The following ACOT7 variants were observed in gnomAD, a reference collection of about 807,000 sequenced individuals.
ACOT7 encodes acyl-CoA thioesterase 7.
A neutral mutation model predicts 40.2 loss-of-function variants in ACOT7; 12 were observed. That is an observed-to-expected ratio of 0.30 (90% CI 0.19 to 0.48). The LOEUF (loss-of-function observed/expected upper bound fraction) is 0.48, where lower values mean the gene tolerates loss of function less well. Among genes scored for constraint, ACOT7 ranks in the 20% least tolerant of loss-of-function variants. The probability of loss-of-function intolerance (pLI) is 0.99; values close to 1 mark genes in which losing one functional copy is unlikely to be tolerated. For missense variants in ACOT7, 395 were observed against 530.8 expected (o/e 0.74, Z 2.51); for synonymous variants, 228 against 219.5 (o/e 1.04, Z -0.34).
chr1:6,363,909 T>C (rs558509324), intron 1 of ACOT7, among the ~76,000 whole-genome samples: 1 of 152,278 alleles, frequency 6.6e-6, no homozygotes, highest in South Asian at 2.1e-4. Context: ...CCCTGTGGGT[T>C]TTCTGTGGTC....
rs989978180 is a variant in ACOT7, at chr1:6,339,516, G to A, written c.335C>T (p.Ala112Val). Residue 112 changes from alanine to valine, a missense_variant, in exon 3 of 9, where the codon GCG becomes GTG. Around this residue, in one of 2 missense-constraint regions of ACOT7, gnomAD observed 309 missense variants for 470.3 expected, o/e 0.66. Transcript: ENST00000361521. ...FLSPMCIGEVAHVSAEITYTS... is the reference protein window; with the variant it reads ...FLSPMCIGEVVHVSAEITYTS... ...GTAGGTGATCTCCGCGCTGACATGC[G>A]CCACCTCACCGATGCACATGGGAGA... 9 of 1,613,538 alleles carry A rather than the reference G, an allele frequency of 5.6e-6. No individual in the cohort carries two copies. Among genetic ancestry groups the A allele is most frequent in the East Asian group, 2.2e-5 (1 of 44,876 alleles).
intron 4 of ACOT7, among the ~76,000 whole-genome samples, chr1:6,329,492 T>A (rs1008782252): frequency 6.7e-6 from 1 of 149,504 alleles, no homozygotes; most frequent in African/African-American, 2.5e-5. Flanking sequence ...TTAAAGGGAT[T>A]TTTTTTTTTA....
intron 6 of ACOT7, among the ~76,000 whole-genome samples, chr1:6,316,616 C>T (rs1057220336): frequency 2.0e-5 from 3 of 152,216 alleles, no homozygotes; most frequent in Admixed American, 2.0e-4. Context: ...TTGAGACCAG[C>T]CTGGCCAACA....
intron 8 of ACOT7, among the ~76,000 whole-genome samples, chr1:6,277,869 A>G (rs1226484856): frequency 6.6e-6 from 1 of 152,188 alleles, no homozygotes; most frequent in South Asian, 2.1e-4. Context: ...GAGCAGGTGA[A>G]CAGCAGCAGA....
intron 4 of ACOT7, 78 bp from the exon 5 acceptor site, chr1:6,327,491 C>A: frequency 7.8e-7 from 1 of 1,282,930 alleles, no homozygotes. Context: ...GATCCCAGGC[C>A]CTTATAGCCT....
rs970124779 is a variant in ACOT7 at position 6,301,052 on chromosome 1, T to A, written c.713-6072A>T. Among the ~76,000 whole-genome samples the A allele has an allele frequency of 4.6e-5, 7 of 152,142 alleles. No individual in the cohort carries two copies. The highest frequency in any genetic ancestry group is 1.0e-4 in the Non-Finnish European group (7 of 68,038). Reference sequence around the variant, plus strand: ...CTGTGACATCGAGTCCAGAGTGGAATTCTTCCCAAGATGATTGCAGGAAGG... The same window carrying A: ...CTGTGACATCGAGTCCAGAGTGGAAATCTTCCCAAGATGATTGCAGGAAGG... On this transcript the variant is annotated intron_variant, in intron 6 of 8. Transcript: ENST00000361521. This position sits in a 1 kb window ranked among gnomAD's most constrained non-coding sequence, Gnocchi z 4.1.
rs1478276977 is a variant in ACOT7, at chr1:6,306,353, G to A, written c.713-11373C>T. On this transcript the variant is annotated intron_variant, in intron 6 of 8. Coordinates refer to ENST00000361521, the MANE Select transcript of ACOT7 (RefSeq NM_007274.4). This position sits in a 1 kb window ranked among gnomAD's most constrained non-coding sequence, Gnocchi z 4.3. ...CTGGCCACCAGGGACCCGGCTGAGAGGAGGACCCAGTGTGGGCAGGACAAA... is the reference window on the plus strand; with the variant it reads ...CTGGCCACCAGGGACCCGGCTGAGAAGAGGACCCAGTGTGGGCAGGACAAA... 4 of 985,318 alleles carry A rather than the reference G, an allele frequency of 4.1e-6. No homozygotes were observed. The highest frequency in any genetic ancestry group is 4.8e-6 in the Non-Finnish European group (4 of 829,942). 61.0% of individuals were successfully genotyped at this position (985,318 alleles called of 1,614,324 possible).
chr1:6,336,113 G>A (rs553096195), intron 3 of ACOT7, among the ~76,000 whole-genome samples: 14 of 152,236 alleles, frequency 9.2e-5, no homozygotes, highest in Admixed American at 2.6e-4. Context: ...CTGGCAGGCC[G>A]AGGCAGGCGG....
chr1:6,265,251 C>T (rs532919263), intron 8 of ACOT7, among the ~76,000 whole-genome samples: 1 of 145,616 alleles, frequency 6.9e-6, no homozygotes, highest in Admixed American at 6.7e-5. Context: ...GTCACTGCCC[C>T]AGAGAGACGT....
chr1:6,296,867 G>A (rs1319713564), intron 6 of ACOT7, among the ~76,000 whole-genome samples: 4 of 151,992 alleles, frequency 2.6e-5, no homozygotes, highest in East Asian at 1.9e-4. Context: ...GTAGGCCACC[G>A]CTCCTGACTC....
At chr1:6,390,525 G>C (rs1336598996) in intron 1 of ACOT7, among the ~76,000 whole-genome samples, 1 of 151,946 alleles carries the variant, frequency 6.6e-6, no homozygotes, top group Non-Finnish European at 1.5e-5. Flanking sequence ...TTAGCCGAGA[G>C]TGTGTCACCG....
intron 8 of ACOT7, among the ~76,000 whole-genome samples, chr1:6,272,286 A>G (rs959091731): frequency 2.0e-5 from 3 of 152,274 alleles, no homozygotes; most frequent in African/African-American, 7.2e-5. Flanking sequence ...TGAAGATCAA[A>G]AAGGCTTAAT....
At chr1:6,373,182 T>C (rs772183040) in intron 1 of ACOT7, among the ~76,000 whole-genome samples, 3 of 152,014 alleles carry the variant, frequency 2.0e-5, no homozygotes, top group Non-Finnish European at 4.4e-5. Context: ...AAATATGATA[T>C]AGACACACTA....
intron 8 of ACOT7, among the ~76,000 whole-genome samples, chr1:6,271,299 C>T (rs113150972): frequency 0.013 from 2,014 of 152,206 alleles, 43 homozygotes; most frequent in African/African-American, 0.046. Flanking sequence ...TAATGAATGG[C>T]GTAAAAAGGG....
rs1642582432 is a variant in ACOT7, at chr1:6,393,741, ACT to A, written c.-344_-343del. 2 of 173,578 alleles carry A rather than the reference ACT, an allele frequency of 1.2e-5. No individual in the cohort carries two copies. The highest frequency in any genetic ancestry group is 6.3e-5 in the Admixed American group (1 of 15,894). The allele number at this position is 173,578 out of a possible 1,614,324, so 10.8% of individuals were successfully genotyped here. On this transcript the variant is annotated 5_prime_UTR_variant, in exon 1 of 9. Coordinates refer to ENST00000361521, the MANE Select transcript of ACOT7 (RefSeq NM_007274.4). The stretch of plus-strand genomic sequence containing the variant: ...CGGAGCAGGGCGGACTTGGGCCCTC[ACT>A]CTCCGCGCGGCGGTAAATATTTGTG...
chr1:6,294,163 G>C lies in ACOT7; in HGVS notation c.829+701C>G, dbSNP rs929734125. Among the ~76,000 whole-genome samples, 39 of 152,226 alleles carry C rather than the reference G, an allele frequency of 2.6e-4. 1 individual carries two copies. Among genetic ancestry groups the C allele is most frequent in the Admixed American group, 2.6e-3 (39 of 15,282 alleles). ...GGTCTGTGAGGCAGTGCTGCTGCAG[G>C]GGGTGCACGGCCTCATCTCAGCAGA... On this transcript the variant is annotated intron_variant, in intron 7 of 8. Transcript: ENST00000361521. The surrounding 1 kb of genome is among the most constrained non-coding windows in gnomAD (Gnocchi z 4.6).
intron 5 of ACOT7, among the ~76,000 whole-genome samples, chr1:6,326,111 G>A (rs1279496556): frequency 6.6e-6 from 1 of 152,222 alleles, no homozygotes; most frequent in African/African-American, 2.4e-5. Flanking sequence ...GGTACCCTGT[G>A]GAACCCAGCA....
intron 1 of ACOT7, among the ~76,000 whole-genome samples, chr1:6,390,046 T>A (rs549592595): frequency 6.6e-6 from 1 of 152,278 alleles, no homozygotes; most frequent in South Asian, 2.1e-4. Flanking sequence ...TCAGCTCAGA[T>A]GTCCTTAAAG....
chr1:6,305,251 G>A (rs1168573693), intron 6 of ACOT7, among the ~76,000 whole-genome samples: 2 of 139,754 alleles, frequency 1.4e-5, no homozygotes, highest in African/African-American at 2.8e-5. Context: ...GCGGGGGGCT[G>A]ACCCCCCCAC....
Sources: allele counts gnomAD v4.1 joint callset (sites outside exome capture counted in the v4.1 genomes callset), GRCh38; gene constraint gnomAD v4.1.1; regional missense constraint gnomAD v4.1.1; non-coding constraint Gnocchi (gnomAD v3.1); transcripts MANE v1.5; gene names NCBI Gene and HGNC (gene_info 2026-07-23, HGNC 2026-07-21).